LARGE1: variants seen among roughly 807,000 people sequenced by gnomAD.
LARGE1 encodes the protein xylosyl- and glucuronyltransferase LARGE1.
A neutral mutation model predicts 87.6 loss-of-function variants in LARGE1; 43 were observed. That is an observed-to-expected ratio of 0.49 (90% CI 0.38 to 0.63). The LOEUF (loss-of-function observed/expected upper bound fraction) is 0.63. Ranked by LOEUF, LARGE1 falls within the 30% of genes least tolerant of loss-of-function variation. LARGE1 has a pLI of 0.00. For missense variants in LARGE1, 802 were observed against 1,000.2 expected (o/e 0.80, Z 2.67); for synonymous variants, 434 against 394.6 (o/e 1.10, Z -1.18).
chr22:33,426,439 C>T (rs1219048265), intron 7 of LARGE1, among the ~76,000 whole-genome samples: 1 of 152,156 alleles, frequency 6.6e-6, no homozygotes, highest in Non-Finnish European at 1.5e-5. Context: ...GATCTTAGTT[C>T]CTGACATCAG....
At chr22:33,512,097 T>G (rs1193185195) in intron 6 of LARGE1, among the ~76,000 whole-genome samples, 1 of 152,232 alleles carries the variant, frequency 6.6e-6, no homozygotes, top group Non-Finnish European at 1.5e-5. Flanking sequence ...AATTTACCTC[T>G]GACAGGGCTC....
chr22:33,606,115 A>C (rs2079251925), intron 4 of LARGE1, among the ~76,000 whole-genome samples: 2 of 152,256 alleles, frequency 1.3e-5, no homozygotes, highest in South Asian at 4.1e-4. Context: ...GTTTAATTAA[A>C]ACAGTTTGGA....
intron 5 of LARGE1, among the ~76,000 whole-genome samples, chr22:33,568,554 G>T (rs2148806276): frequency 6.6e-6 from 1 of 152,234 alleles, no homozygotes; most frequent in East Asian, 1.9e-4. Flanking sequence ...ATCCCCTGAG[G>T]TTGGGAGTTC....
intron 1 of LARGE1, among the ~76,000 whole-genome samples, chr22:33,837,976 C>G (rs1272382848): frequency 6.6e-6 from 1 of 152,226 alleles, no homozygotes; most frequent in East Asian, 1.9e-4. Flanking sequence ...GCCATACTTT[C>G]TCTCTGGCAA....
intron 1 of LARGE1, among the ~76,000 whole-genome samples, chr22:33,809,495 T>C (rs2086423489): frequency 6.6e-6 from 1 of 152,210 alleles, no homozygotes; most frequent in East Asian, 1.9e-4. Context: ...TATGTATTAT[T>C]AGATGCAAGG....
At chr22:33,294,799 G>A (rs1301088356) in intron 12 of LARGE1, among the ~76,000 whole-genome samples, 1 of 152,172 alleles carries the variant, frequency 6.6e-6, no homozygotes, top group Non-Finnish European at 1.5e-5. Context: ...CAAACGGTAG[G>A]CACTCAGTAA....
downstream of LARGE1, among the ~76,000 whole-genome samples, chr22:33,158,300 A>C (rs1921927241): frequency 6.6e-6 from 1 of 152,272 alleles, no homozygotes; most frequent in Non-Finnish European, 1.5e-5. Flanking sequence ...AGTGGAGATA[A>C]ATTTAAATCT....
chr22:33,104,048 G>A, the LARGE1 span, among the ~76,000 whole-genome samples: 2 of 152,138 alleles, frequency 1.3e-5, no homozygotes, highest in African/African-American at 4.8e-5. Context: ...CCCAGTCTCA[G>A]GTATGTCTTT....
At chr22:33,112,327 C>T in the LARGE1 span, among the ~76,000 whole-genome samples, 1 of 152,206 alleles carries the variant, frequency 6.6e-6, no homozygotes, top group Non-Finnish European at 1.5e-5. Flanking sequence ...TGAGTTAAGT[C>T]TCACATTTTT....
At chr22:33,764,126 G>A (rs1336188400) in intron 1 of LARGE1, among the ~76,000 whole-genome samples, 1 of 151,992 alleles carries the variant, frequency 6.6e-6, no homozygotes, top group Non-Finnish European at 1.5e-5. Context: ...GGGATTACAG[G>A]CGTGAGCCAC....
intron 1 of LARGE1, among the ~76,000 whole-genome samples, chr22:33,786,437 C>T (rs1482533555): frequency 6.6e-6 from 1 of 152,184 alleles, no homozygotes; most frequent in Non-Finnish European, 1.5e-5. Flanking sequence ...CTCAGCCTCT[C>T]CAAAGCTGAG....
intron 4 of LARGE1, among the ~76,000 whole-genome samples, chr22:33,621,983 T>A (rs1452806100): frequency 1.3e-5 from 2 of 152,162 alleles, no homozygotes; most frequent in African/African-American, 4.8e-5. Context: ...AAGAAACATC[T>A]GAGCTCCCAA....
chr22:33,249,740 T>A (rs191892064), intron 11 of LARGE1, among the ~76,000 whole-genome samples: 45 of 152,338 alleles, frequency 3.0e-4, no homozygotes, highest in Middle Eastern at 3.4e-3. Flanking sequence ...TATCTCTAGA[T>A]GTATTTTTTG....
intron 9 of LARGE1, among the ~76,000 whole-genome samples, chr22:33,346,252 C>T (rs1346568777): frequency 4.0e-5 from 6 of 148,688 alleles, no homozygotes; most frequent in African/African-American, 7.4e-5. Context: ...TCCTTCCTTC[C>T]TCTCTTCTCT....
At chr22:33,124,519 T>C in the LARGE1 span, among the ~76,000 whole-genome samples, 1 of 152,106 alleles carries the variant, frequency 6.6e-6, no homozygotes, top group Non-Finnish European at 1.5e-5. Context: ...CCTCACCATC[T>C]CTCGCTGTCT....
the LARGE1 span, among the ~76,000 whole-genome samples, chr22:33,104,931 C>CTTTCTTTA: frequency 2.1e-5 from 3 of 142,470 alleles, no homozygotes; most frequent in Non-Finnish European, 4.6e-5. Flanking sequence ...TTCTTTCTTT[C>CTTTCTTTA]TTTCTTTCTT....
chr22:33,701,703 C>T (rs1182641782), intron 2 of LARGE1, among the ~76,000 whole-genome samples: 4 of 152,338 alleles, frequency 2.6e-5, no homozygotes, highest in Middle Eastern at 3.4e-3. Context: ...CCCTGAAGTT[C>T]CATGGCCATG....
At chr22:33,419,658 A>G (rs887738723) in intron 7 of LARGE1, among the ~76,000 whole-genome samples, 1 of 120,978 alleles carries the variant, frequency 8.3e-6, no homozygotes, top group African/African-American at 3.0e-5. Flanking sequence ...TTGTGGCCAG[A>G]TGAATCTTTG....
chr22:33,411,950 G>A (rs934868482), intron 7 of LARGE1, among the ~76,000 whole-genome samples: 2 of 152,206 alleles, frequency 1.3e-5, no homozygotes. Context: ...AGTCAAGACT[G>A]CAAACTGTCA....
Sources: gnomAD v4.1 joint callset for allele counts (sites outside exome capture counted in the v4.1 genomes callset) on GRCh38, gnomAD v4.1.1 for gene constraint, MANE v1.5 for transcripts, NCBI Gene and HGNC (gene_info 2026-07-23, HGNC 2026-07-21) for gene names.